The following CALD1 variants were observed in gnomAD, a reference collection of about 807,000 sequenced individuals.
The protein encoded by CALD1 is caldesmon.
In CALD1, 33 loss-of-function variants were observed where a neutral mutation model predicts 99.9. That is an observed-to-expected ratio of 0.33 (90% CI 0.25 to 0.44). The LOEUF (loss-of-function observed/expected upper bound fraction) is 0.44, where lower values mean the gene tolerates loss of function less well. Ranked by LOEUF, CALD1 falls within the 20% of genes least tolerant of loss-of-function variation. CALD1 has a pLI of 1.00. For synonymous variants in CALD1, 310 were observed against 325.0 expected, an observed-to-expected ratio of 0.95 and a Z score of 0.50; for missense variants, 861 against 962.1, an observed-to-expected ratio of 0.89 and a Z score of 1.39.
At chr7:134,722,726 G>A in the CALD1 span, among the ~76,000 whole-genome samples, 5 of 152,074 alleles carry the variant, frequency 3.3e-5, no homozygotes, top group South Asian at 8.3e-4. Context: ...GGCCTCTACC[G>A]TAGTTTTATT....
chr7:134,947,458 G>C (rs1309818617), intron 7 of CALD1, 50 bp from the exon 8 acceptor site: 1 of 1,526,916 alleles, frequency 6.5e-7, no homozygotes, highest in South Asian at 1.2e-5. Flanking sequence ...CCTCCAGGGA[G>C]ACTACAGGCA....
chr7:134,749,982 C>A (rs1001272614), intron 1 of CALD1, among the ~76,000 whole-genome samples: 5 of 152,112 alleles, frequency 3.3e-5, no homozygotes, highest in African/African-American at 1.2e-4. Context: ...TCAGGGAGGG[C>A]TCCCAGAAAG....
At chr7:134,738,084 C>T in the CALD1 span, among the ~76,000 whole-genome samples, 1 of 152,132 alleles carries the variant, frequency 6.6e-6, no homozygotes, top group African/African-American at 2.4e-5. Context: ...ACGGTTCAGG[C>T]CTCCAAGGGT....
chr7:134,939,557 G>A (rs1416570312), intron 6 of CALD1, among the ~76,000 whole-genome samples: 1 of 152,246 alleles, frequency 6.6e-6, no homozygotes, highest in East Asian at 1.9e-4. Flanking sequence ...TAACTAATTA[G>A]GGCAGCATAG....
chr7:134,766,365 C>T (rs1175784489), intron 1 of CALD1, among the ~76,000 whole-genome samples: 3 of 151,830 alleles, frequency 2.0e-5, no homozygotes, highest in African/African-American at 7.3e-5. Context: ...AGGCTAGTCT[C>T]GAACTCCTGA....
intron 1 of CALD1, among the ~76,000 whole-genome samples, chr7:134,784,371 A>G (rs961369678): frequency 2.0e-5 from 3 of 152,228 alleles, no homozygotes; most frequent in South Asian, 2.1e-4. Context: ...CTTGTGCTGA[A>G]GACCAGAAGG....
chr7:134,755,154 C>T (rs1029847749), intron 1 of CALD1, among the ~76,000 whole-genome samples: 6 of 152,226 alleles, frequency 3.9e-5, no homozygotes, highest in Non-Finnish European at 5.9e-5. Flanking sequence ...GCGCCCACTA[C>T]CACTCTTGGT....
chr7:134,925,180 A>AG (rs1308058426), intron 3 of CALD1, among the ~76,000 whole-genome samples: 7 of 152,146 alleles, frequency 4.6e-5, no homozygotes, highest in African/African-American at 1.7e-4. Flanking sequence ...AAGAAGAGGT[A>AG]GAAGAGATAG....
intron 1 of CALD1, among the ~76,000 whole-genome samples, chr7:134,786,617 A>G (rs773761322): frequency 2.0e-5 from 3 of 152,086 alleles, no homozygotes; most frequent in Non-Finnish European, 2.9e-5. Flanking sequence ...ATTCGTATAT[A>G]CCCAGTGCGT....
At chr7:134,720,362 T>C in the CALD1 span, among the ~76,000 whole-genome samples, 1 of 152,162 alleles carries the variant, frequency 6.6e-6, no homozygotes, top group South Asian at 2.1e-4. Context: ...GAGCTCTACC[T>C]TCCTTCCTAA....
intron 13 of CALD1, chr7:134,960,902 C>A: frequency 4.0e-6 from 1 of 251,664 alleles, no homozygotes; most frequent in African/African-American, 2.2e-5. Context: ...AATTTAGATC[C>A]TTTACTCGTC....
At chr7:134,886,205 C>A (rs1298947192) in intron 3 of CALD1, among the ~76,000 whole-genome samples, 1 of 152,100 alleles carries the variant, frequency 6.6e-6, no homozygotes, top group Non-Finnish European at 1.5e-5. Context: ...AACATGCAAA[C>A]AAGAGTGGGC....
chr7:134,888,976 C>T (rs1231075226), intron 3 of CALD1, among the ~76,000 whole-genome samples: 1 of 141,534 alleles, frequency 7.1e-6, no homozygotes, highest in South Asian at 2.2e-4. Flanking sequence ...GAAAGAACCA[C>T]AATTTTTTTT....
chr7:134,869,760 A>C (rs572796792), intron 3 of CALD1, among the ~76,000 whole-genome samples: 1 of 152,334 alleles, frequency 6.6e-6, no homozygotes, highest in East Asian at 1.9e-4. Flanking sequence ...AGAAATTATT[A>C]TTAGAGTAAT....
chr7:134,831,989 C>T (rs780570397), intron 1 of CALD1, among the ~76,000 whole-genome samples: 1 of 152,210 alleles, frequency 6.6e-6, no homozygotes, highest in East Asian at 1.9e-4. Flanking sequence ...TCGAGTGTCC[C>T]GTATAACCGT....
chr7:134,718,770 T>G, the CALD1 span, among the ~76,000 whole-genome samples: 2 of 152,166 alleles, frequency 1.3e-5, no homozygotes, highest in Non-Finnish European at 2.9e-5. Flanking sequence ...TCTCATGTCT[T>G]ATACTGGTTG....
upstream of CALD1, among the ~76,000 whole-genome samples, chr7:134,777,333 C>T (rs897474963): frequency 3.9e-5 from 6 of 152,164 alleles, no homozygotes; most frequent in Non-Finnish European, 8.8e-5. Flanking sequence ...TGTGGTCACT[C>T]ATCTACTATA....
chr7:134,906,312 C>T (rs1231301091), intron 3 of CALD1, among the ~76,000 whole-genome samples: 1 of 152,198 alleles, frequency 6.6e-6, no homozygotes, highest in East Asian at 1.9e-4. Context: ...ATGGGCTTTG[C>T]TGTCGTGTAA....
chr7:134,907,852 A>G (rs1803516845), intron 3 of CALD1, among the ~76,000 whole-genome samples: 1 of 152,102 alleles, frequency 6.6e-6, no homozygotes, highest in South Asian at 2.1e-4. Context: ...CAGTGTCCTA[A>G]TAAGGGAATG....
Sources: allele counts gnomAD v4.1 joint callset (sites outside exome capture counted in the v4.1 genomes callset), GRCh38; gene constraint gnomAD v4.1.1; transcripts MANE v1.5; gene names NCBI Gene and HGNC (gene_info 2026-07-23, HGNC 2026-07-21).